Variants in MCPH1 observed in about 807,000 individuals in gnomAD.
The protein encoded by MCPH1 is microcephalin.
A neutral mutation model predicts 84.5 loss-of-function variants in MCPH1; 104 were observed. The ratio of observed to expected loss-of-function variants is 1.23; its 90% CI spans 1.05 to 1.45. The LOEUF (loss-of-function observed/expected upper bound fraction) is 1.45, where lower values mean the gene tolerates loss of function less well. MCPH1 is among the 40% of genes most tolerant of loss of function. The pLI is 0.00. For missense variants in MCPH1, 1,498 were observed against 1,005.7 expected, an observed-to-expected ratio of 1.49 and a Z score of -6.62; for synonymous variants, 514 against 366.8, an observed-to-expected ratio of 1.40 and a Z score of -4.58.
At chr8:6,626,505 G>A (rs1277544152) in intron 13 of MCPH1, 136 of 967,856 alleles carry the variant, frequency 1.4e-4, no homozygotes, top group Non-Finnish European at 1.5e-4. Flanking sequence ...TTTTGAGAGA[G>A]CACACTTGTG....
intron 13 of MCPH1, chr8:6,622,132 A>C: frequency 7.3e-6 from 2 of 272,178 alleles, no homozygotes; most frequent in East Asian, 9.2e-5. Context: ...TCTCATGATC[A>C]CTCCGTCTGC....
At chr8:6,557,354 G>A (rs1265142378) in intron 12 of MCPH1, among the ~76,000 whole-genome samples, 5 of 152,088 alleles carry the variant, frequency 3.3e-5, no homozygotes, top group Admixed American at 1.3e-4. Flanking sequence ...AGATATTCTC[G>A]GGGCAAAATG....
intron 12 of MCPH1, among the ~76,000 whole-genome samples, chr8:6,547,957 A>C (rs1028680228): frequency 6.6e-6 from 1 of 150,858 alleles, no homozygotes; most frequent in Non-Finnish European, 1.5e-5. Context: ...CCTACGAGCC[A>C]GTTTAATTTT....
chr8:6,442,239 C>A, intron 7 of MCPH1, 83 bp downstream of exon 7: 1 of 823,254 alleles, frequency 1.2e-6, no homozygotes. Flanking sequence ...CATGTAGCAA[C>A]TTCTGATGAG....
chr8:6,533,569 C>CTTTTT (rs56882906), intron 12 of MCPH1, among the ~76,000 whole-genome samples: 10 of 113,328 alleles, frequency 8.8e-5, no homozygotes, highest in East Asian at 8.1e-4. Context: ...CGTTTAGTTT[C>CTTTTT]TTTTTTTTTT....
intron 8 of MCPH1, chr8:6,447,535 GGTTTT>G (rs1176635011): frequency 4.7e-5 from 31 of 656,040 alleles, no homozygotes; most frequent in African/African-American, 5.9e-5. Context: ...AAACAATTTT[GGTTTT>G]GTTTTGTTTT....
rs543419237 is a variant in MCPH1 at position 6,560,928 on chromosome 8, C to T, written c.2215-60526C>T. Among the ~76,000 whole-genome samples, 10 of 152,174 alleles carry T rather than the reference C, an allele frequency of 6.6e-5. No individual in the cohort carries two copies. In the South Asian group the frequency reaches 1.9e-3, roughly 28 times the overall value. ...CTTTTATGTTTCCTGGCTGTTTCTT[C>T]GAGGAGATGACCTGCCTGTCGGGCA... is the stretch of plus-strand genomic sequence containing the variant. On this transcript the variant is annotated intron_variant, in intron 12 of 13. Transcript: ENST00000344683.
intron 12 of MCPH1, among the ~76,000 whole-genome samples, chr8:6,590,410 C>T (rs548292680): frequency 7.4e-6 from 1 of 135,190 alleles, no homozygotes; most frequent in African/African-American, 2.8e-5. Context: ...CCAAAAACTA[C>T]ACCATGAACA....
chr8:6,459,378 C>T (rs984723319), intron 9 of MCPH1, among the ~76,000 whole-genome samples: 1 of 152,100 alleles, frequency 6.6e-6, no homozygotes, highest in African/African-American at 2.4e-5. Flanking sequence ...CGGGTTCAAG[C>T]GATTCTGCTG....
chr8:6,445,592 G>A (rs752409060), intron 8 of MCPH1, 45 bp downstream of exon 8: 110 of 1,533,140 alleles, frequency 7.2e-5, no homozygotes, highest in Non-Finnish European at 9.2e-5. Context: ...AAATAAACAT[G>A]TAACAGTGCA....
In MCPH1 at chr8:6,621,444, T is replaced by C; in HGVS notation, c.2215-10T>C. The C allele has an allele frequency of 6.2e-7, 1 of 1,613,808 alleles. No individual in the cohort carries two copies. The highest frequency in any genetic ancestry group is 8.5e-7 in the Non-Finnish European group (1 of 1,179,904). On this transcript the variant is annotated splice_polypyrimidine_tract_variant and intron_variant, in intron 12 of 13. Transcript: ENST00000344683. The stretch of plus-strand genomic sequence containing the variant: ...CCACCTCTGTAATTCTATCTCTGTC[T>C]GCCCCACAGCTGTGCCGAAGCGAGT...
chr8:6,520,883 A>G (rs1817201190), intron 12 of MCPH1, among the ~76,000 whole-genome samples: 1 of 152,342 alleles, frequency 6.6e-6, no homozygotes, highest in Middle Eastern at 3.4e-3. Context: ...ATAAATGAAT[A>G]TCGGCTGTGG....
intron 9 of MCPH1, among the ~76,000 whole-genome samples, chr8:6,464,064 A>G (rs1806573519): frequency 6.6e-6 from 1 of 152,172 alleles, no homozygotes; most frequent in Non-Finnish European, 1.5e-5. Flanking sequence ...CGAGGATGAC[A>G]CCCTTTGTAA....
At position 6,455,732 on chromosome 8, in the gene MCPH1, C is replaced by T. The variant is rs118128000; in HGVS notation, c.1935+480C>T. Among the ~76,000 whole-genome samples, 551 of 152,280 alleles carry T rather than the reference C, an allele frequency of 3.6e-3. 5 individuals are homozygous for T. The highest frequency in any genetic ancestry group is 7.4e-3 in the Admixed American group (113 of 15,278). The stretch of plus-strand genomic sequence containing the variant: ...ACCTTGCTCTTCCTCTGAAAGACTC[C>T]GCTGATCCTCTTACATGAGTAATAG... On this transcript the variant is annotated intron_variant, in intron 9 of 13. Coordinates refer to ENST00000344683, the MANE Select transcript of MCPH1 (RefSeq NM_024596.5).
At chr8:6,508,634 C>T in intron 12 of MCPH1, 1 of 566,234 alleles carries the variant, frequency 1.8e-6, no homozygotes, top group Non-Finnish European at 3.1e-6. Context: ...TCTCTAGTAT[C>T]CAGCAAGCAC....
At chr8:6,613,973 G>A (rs1029135928) in intron 12 of MCPH1, among the ~76,000 whole-genome samples, 5 of 152,090 alleles carry the variant, frequency 3.3e-5, no homozygotes, top group South Asian at 2.1e-4. Flanking sequence ...GGTGTGCTCC[G>A]TTCCTATTTC....
At chr8:6,616,244 G>C (rs533375739) in intron 12 of MCPH1, 1 of 152,256 alleles carries the variant, frequency 6.6e-6, no homozygotes, top group Admixed American at 6.5e-5. Flanking sequence ...GCCAAGGAGC[G>C]ACTTTAAAGG....
chr8:6,444,745 C>T lies in MCPH1; in HGVS notation c.1023C>T (p.Gly341=), dbSNP rs1804025116. The T allele has an allele frequency of 6.2e-7, 1 of 1,614,028 alleles. No homozygotes were observed. The highest frequency in any genetic ancestry group is 8.5e-7 in the Non-Finnish European group (1 of 1,179,980). ...CTCCTACCTTATCTTCAACAAAAGG[C>T]CACCTTTTGATACATTCAAGACCCA... is the stretch of plus-strand genomic sequence containing the variant. ...RLSPTLSSTK[G]HLLIHSRPRS... Residue 341 remains glycine (G), a synonymous_variant, in exon 8 of 14, where the codon GGC becomes GGT. Coordinates refer to ENST00000344683, the MANE Select transcript of MCPH1 (RefSeq NM_024596.5).
At chr8:6,623,688 C>CAAAAAAAAAAAAAAAAA (rs377522481) in intron 13 of MCPH1, among the ~76,000 whole-genome samples, 2 of 92,424 alleles carry the variant, frequency 2.2e-5, no homozygotes, top group Middle Eastern at 6.3e-3. Context: ...AACCAACTTC[C>CAAAAAAAAAAAAAAAAA]AAAAAAAAAA....
Sources: allele counts gnomAD v4.1 joint callset (sites outside exome capture counted in the v4.1 genomes callset), GRCh38; gene constraint gnomAD v4.1.1; transcripts MANE v1.5; gene names NCBI Gene and HGNC (gene_info 2026-07-23, HGNC 2026-07-21).